TLR7: variants seen among roughly 807,000 people sequenced by gnomAD.
The protein encoded by TLR7 is toll-like receptor 7.
TLR7 carries 12 observed loss-of-function variants against 38.3 expected under a neutral mutation model. The ratio of observed to expected loss-of-function variants is 0.31; its 90% CI spans 0.20 to 0.51. The LOEUF is 0.51. Among genes scored for constraint, TLR7 ranks in the 20% least tolerant of loss-of-function variants. The pLI is 0.98. For synonymous variants in TLR7, 285 were observed against 293.8 expected, an observed-to-expected ratio of 0.97 and a Z score of 0.31; for missense variants, 504 against 743.4, an observed-to-expected ratio of 0.68 and a Z score of 3.74.
rs778928056 is a variant in TLR7, at chrX:12,887,963, G to A, written c.2455G>A (p.Ala819Thr). The A allele has an allele frequency of 1.1e-5, 13 of 1,209,652 alleles. No homozygotes were observed. In the South Asian group the frequency reaches 2.1e-4, roughly 20 times the overall value. Residue 819 changes from alanine (A) to threonine (T), a missense_variant, in exon 3 of 3, where the codon GCA becomes ACA. Coordinates refer to ENST00000380659, the MANE Select transcript of TLR7 (RefSeq NM_016562.4). ...ATDVTCVGPG[A>T]HKGQSVISLD... The stretch of plus-strand genomic sequence containing the variant: ...AGATGTGACTTGTGTGGGGCCAGGA[G>A]CACACAAGGGCCAAAGTGTGATCTC...
chrX:12,887,423 G>C lies in TLR7; in HGVS notation c.1915G>C (p.Asp639His). 1 of 1,209,415 alleles carries C rather than the reference G, an allele frequency of 8.3e-7. No individual in the cohort carries two copies. The change falls in exon 3 of 3, where the codon GAT (aspartate) becomes CAT (histidine). Residue 639 changes from aspartate (D) to histidine (H), a missense_variant. Transcript: ENST00000380659. ...CTTAGATGTTTTATGGAGAGAAGGT[G>C]ATAACAGATACTTACAATTATTCAA... ...NHLDVLWREG[D>H]NRYLQLFKNL...
chrX:12,870,221 A>G (rs1283929291), intron 2 of TLR7, among the ~76,000 whole-genome samples: 5 of 111,770 alleles, frequency 4.5e-5, no homozygotes. Context: ...GAGCTCTTAC[A>G]TGACAGAACA....
In TLR7 at chrX:12,888,185, GC is replaced by G. The variant is rs774562360; in HGVS notation, c.2678del (p.Ala893ValfsTer12). The part of the protein sequence containing the change: ...RLISPDCCYD[A>X]FIVYDTKDPA... ...AATATCACCAGACTGTTGCTATGAT[GC>G]TTTTATTGTGTATGACACTAAAGAC... On this transcript the variant is annotated frameshift_variant, in exon 3 of 3. Coordinates refer to ENST00000380659, the MANE Select transcript of TLR7 (RefSeq NM_016562.4). The G allele has an allele frequency of 8.3e-7, 1 of 1,211,844 alleles. No individual in the cohort carries two copies. Among genetic ancestry groups the G allele is most frequent in the Non-Finnish European group, 1.1e-6 (1 of 895,532 alleles).
At position 12,885,733 on chromosome X, in the gene TLR7, C is replaced by T; in HGVS notation, c.225C>T (p.Asn75=). Residue 75 remains asparagine, a synonymous_variant, in exon 3 of 3, where the codon AAC becomes AAT. Transcript: ENST00000380659. ...TNTTNLTLTI[N]HIPDISPASF... is the part of the protein sequence containing the mutation. The stretch of plus-strand genomic sequence containing the variant: ...CCACGAACCTCACCCTCACCATTAA[C>T]CACATACCAGACATCTCCCCAGCGT... 9.9e-6 allele frequency: 12 copies of T among 1,210,215 alleles called. No individual in the cohort carries two copies. The highest frequency in any genetic ancestry group is 1.3e-5 in the Non-Finnish European group (12 of 895,270).
At chrX:12,871,747 T>C (rs951826690) in intron 2 of TLR7, among the ~76,000 whole-genome samples, 2 of 111,599 alleles carry the variant, frequency 1.8e-5, no homozygotes, top group African/African-American at 6.5e-5. Context: ...TAACATGTTG[T>C]AGCCCAGGGG....
At chrX:12,883,633 C>A (rs962121233) in intron 2 of TLR7, among the ~76,000 whole-genome samples, 7 of 111,276 alleles carry the variant, frequency 6.3e-5, no homozygotes, top group African/African-American at 2.3e-4. Context: ...GAGTTCACAG[C>A]AAGAAACTGA....
At chrX:12,867,960 G>A (rs2042839465) in intron 2 of TLR7, among the ~76,000 whole-genome samples, 2 of 112,829 alleles carry the variant, frequency 1.8e-5, no homozygotes, top group Admixed American at 9.4e-5. Context: ...CTTAATGACT[G>A]TGTGGATGAA....
At chrX:12,877,677 G>T (rs929677642) in intron 2 of TLR7, 1 of 110,718 alleles carries the variant, frequency 9.0e-6, no homozygotes, top group African/African-American at 3.3e-5. Context: ...GGGGTTTCAG[G>T]TTCAAAGGGA....
At chrX:12,877,844 T>G (rs1255417065) in intron 2 of TLR7, among the ~76,000 whole-genome samples, 1 of 111,597 alleles carries the variant, frequency 9.0e-6, no homozygotes, top group African/African-American at 3.3e-5. Flanking sequence ...CTTGTCACCT[T>G]GTGAAAATCT....
intron 2 of TLR7, among the ~76,000 whole-genome samples, chrX:12,871,172 G>A (rs1010402532): frequency 8.9e-6 from 1 of 111,818 alleles, no homozygotes; most frequent in African/African-American, 3.3e-5. Flanking sequence ...ACGTTTTGGT[G>A]ACATAATGAA....
chrX:12,882,985 A>G (rs983966437), intron 2 of TLR7, among the ~76,000 whole-genome samples: 1 of 111,741 alleles, frequency 8.9e-6, no homozygotes, highest in Non-Finnish European at 1.9e-5. Context: ...TCTGGGCAGC[A>G]TTACCAATTG....
In TLR7 at chrX:12,887,668, C is replaced by T. The variant is rs2042916112; in HGVS notation, c.2160C>T (p.Asn720=). The T allele has an allele frequency of 8.3e-7, 1 of 1,209,783 alleles. No individual in the cohort carries two copies. Among genetic ancestry groups the T allele is most frequent in the Non-Finnish European group, 1.1e-6 (1 of 895,192 alleles). Residue 720 remains asparagine, a synonymous_variant, in exon 3 of 3, where the codon AAC becomes AAT. Coordinates refer to ENST00000380659, the MANE Select transcript of TLR7 (RefSeq NM_016562.4). ...QLTTVPERLS[N]CSRSLKNLIL... is the part of the protein sequence containing the mutation. ...CCACTGTCCCTGAGAGATTATCCAA[C>T]TGTTCCAGAAGCCTCAAGAATCTGA...
intron 2 of TLR7, among the ~76,000 whole-genome samples, chrX:12,872,877 C>T (rs1342900028): frequency 9.1e-6 from 1 of 109,352 alleles, no homozygotes; most frequent in African/African-American, 3.3e-5. Flanking sequence ...CTATTCTCAA[C>T]ACAGCAGCCA....
chrX:12,887,559 A>G lies in TLR7; in HGVS notation c.2051A>G (p.Lys684Arg). ...AATCTAAAGAATCTCTCTTTGGCCA[A>G]AAATGGGCTCAAATCTTTCAGTTGG... ...PPNLKNLSLA[K>R]NGLKSFSWKK... The change falls in exon 3 of 3, where the codon AAA becomes AGA. Residue 684 changes from lysine (K) to arginine (R), a missense_variant. Transcript: ENST00000380659. The G allele has an allele frequency of 8.3e-7, 1 of 1,211,495 alleles. No homozygotes were observed. Among genetic ancestry groups the G allele is most frequent in the East Asian group, 3.0e-5 (1 of 33,865 alleles).
rs778438558 is a variant in TLR7, at chrX:12,888,175, T to C, written c.2667T>C (p.Cys889=). The C allele has an allele frequency of 8.3e-7, 1 of 1,212,072 alleles. No homozygotes were observed. The highest frequency in any genetic ancestry group is 1.1e-6 in the Non-Finnish European group (1 of 895,544). ...KGYQRLISPD[C]CYDAFIVYDT... ...ATCAGCGTCTAATATCACCAGACTG[T>C]TGCTATGATGCTTTTATTGTGTATG... The change falls in exon 3 of 3, where the codon TGT becomes TGC. Residue 889 remains cysteine (C), a synonymous_variant. Coordinates refer to ENST00000380659, the MANE Select transcript of TLR7 (RefSeq NM_016562.4).
intron 2 of TLR7, among the ~76,000 whole-genome samples, chrX:12,881,379 C>G (rs1234108481): frequency 9.6e-6 from 1 of 104,493 alleles, no homozygotes; most frequent in Non-Finnish European, 1.9e-5. Flanking sequence ...GTTATTTATT[C>G]TTTTTAATAA....
chrX:12,888,434 C>T lies in TLR7; in HGVS notation c.2926C>T (p.Gln976Ter). 1 of 1,211,444 alleles carries T rather than the reference C, an allele frequency of 8.3e-7. No homozygotes were observed. The highest frequency in any genetic ancestry group is 1.1e-6 in the Non-Finnish European group (1 of 895,195). ...NFKIAFYLSH[Q>*]RLMDEKVDVI... ...TAAGATAGCATTTTACTTGTCCCAT[C>T]AGAGGCTCATGGATGAAAAAGTTGA... The change falls in exon 3 of 3, where the codon CAG becomes TAG. Residue 976 changes from glutamine (Q) to a stop codon, truncating the protein, a stop_gained. Coordinates refer to ENST00000380659, the MANE Select transcript of TLR7 (RefSeq NM_016562.4). LOFTEE classifies it high-confidence loss of function.
chrX:12,887,216 G>A lies in TLR7; in HGVS notation c.1708G>A (p.Val570Ile). ...ATTTGAAGAGCTTCACAAACTGGAA[G>A]TTCTGGATATAAGCAGTAATAGCCA... The part of the protein sequence containing the change: ...TAFEELHKLE[V>I]LDISSNSHYF... The change falls in exon 3 of 3, where the codon GTT becomes ATT. Residue 570 changes from valine to isoleucine, a missense_variant. Transcript: ENST00000380659. 1 of 1,211,341 alleles carries A rather than the reference G, an allele frequency of 8.3e-7. No homozygotes were observed. The highest frequency in any genetic ancestry group is 1.1e-6 in the Non-Finnish European group (1 of 895,366).
chrX:12,886,172 G>C lies in TLR7; in HGVS notation c.664G>C (p.Val222Leu), dbSNP rs757257297. 6.6e-6 allele frequency: 8 copies of C among 1,210,003 alleles called. No individual in the cohort carries two copies. In the East Asian group the frequency reaches 2.1e-4, roughly 31 times the overall value. The change falls in exon 3 of 3, where the codon GTT (valine) becomes CTT (leucine). Residue 222 changes from valine (V) to leucine (L), a missense_variant. Physicochemically the swap from Val to Leu is conservative, Grantham distance 32. Transcript: ENST00000380659. Reference protein sequence around the residue: ...KDNNVTAVPTVLPSTLTELYL... With the variant: ...KDNNVTAVPTLLPSTLTELYL... ...TAACAATGTCACAGCCGTCCCTACT[G>C]TTTTGCCATCTACTTTAACAGAACT...
Sources: gnomAD v4.1 joint callset for allele counts (sites outside exome capture counted in the v4.1 genomes callset) on GRCh38, gnomAD v4.1.1 for gene constraint, MANE v1.5 for transcripts, NCBI Gene and HGNC (gene_info 2026-07-23, HGNC 2026-07-21) for gene names.